NUP188: variants seen among roughly 807,000 people sequenced by gnomAD.
The protein encoded by NUP188 is nucleoporin 188.
Under a neutral mutation model 223.0 loss-of-function variants are expected in NUP188, and 97 were observed. That is an observed-to-expected ratio of 0.43 (90% CI 0.37 to 0.51). NUP188 has a LOEUF of 0.51. Among genes scored for constraint, NUP188 ranks in the 20% least tolerant of loss-of-function variants. NUP188 has a pLI of 0.00. For synonymous variants in NUP188, 869 were observed against 828.0 expected (o/e 1.05, Z -0.85); for missense variants, 1,947 against 2,175.6 (o/e 0.89, Z 2.09).
chr9:129,005,531 G>T lies in NUP188; in HGVS notation c.4737+1G>T. On this transcript the variant is annotated splice_donor_variant, in intron 40 of 43. Transcript: ENST00000372577. LOFTEE classifies it high-confidence loss of function. ...TGTCTGCCAGATTCTGCTGGATCAG[G>T]TACTGCCCATCATCTGTTCAGCACC... is the stretch of plus-strand genomic sequence containing the variant. 2.5e-6 allele frequency: 4 copies of T among 1,608,288 alleles called. No individual in the cohort carries two copies. Among genetic ancestry groups the T allele is most frequent in the Non-Finnish European group, 3.4e-6 (4 of 1,179,886 alleles).
At chr9:128,988,852 G>T (rs560734633) in intron 24 of NUP188, among the ~76,000 whole-genome samples, 1 of 148,494 alleles carries the variant, frequency 6.7e-6, no homozygotes, top group African/African-American at 2.5e-5. Flanking sequence ...TCAGCTTCCC[G>T]AGTAGCTGGG....
chr9:128,980,809 G>T (rs1428985055), intron 14 of NUP188, 84 bp downstream of exon 14: 13 of 1,433,092 alleles, frequency 9.1e-6, no homozygotes, highest in Non-Finnish European at 1.2e-5. Context: ...TTTCCACATT[G>T]CAGTTCTACT....
chr9:128,961,551 A>G (rs1841951755), intron 8 of NUP188, among the ~76,000 whole-genome samples: 1 of 151,462 alleles, frequency 6.6e-6, no homozygotes, highest in Non-Finnish European at 1.5e-5. Context: ...AAAGGGAAAG[A>G]CACACTATAT....
Position 129,005,792 on chromosome 9 carries a change from C to T in NUP188, c.4869+16C>T, listed in dbSNP as rs533132500. The T allele has an allele frequency of 6.3e-7, 1 of 1,592,366 alleles. No individual in the cohort carries two copies. Among genetic ancestry groups the T allele is most frequent in the South Asian group, 1.1e-5 (1 of 87,674 alleles). On this transcript the variant is annotated intron_variant, in intron 41 of 43. Transcript: ENST00000372577. ...GCTTGGAGAGGTAAGTTGGTTCTGT[C>T]AGACACTGTCCTCTCCCCCCGGCTC...
intron 34 of NUP188, 72 bp from the exon 35 acceptor site, chr9:129,001,457 C>G: frequency 1.4e-6 from 2 of 1,481,316 alleles, no homozygotes; most frequent in Non-Finnish European, 1.9e-6. Context: ...GCAACCAGGC[C>G]CACCGCTGCC....
Position 128,980,766 on chromosome 9 carries a change from C to G in NUP188, c.1389+41C>G, listed in dbSNP as rs755645561. ...AGATAAGTAAAGAGAATGGGAGATT[C>G]TTTATGGAGACTTTATTAGGAATCT... On this transcript the variant is annotated intron_variant, in intron 14 of 43. Coordinates refer to ENST00000372577, the MANE Select transcript of NUP188 (RefSeq NM_015354.3). The G allele has an allele frequency of 1.4e-5, 22 of 1,599,180 alleles. No individual in the cohort carries two copies. The Admixed American group carries it at 2.2e-4, about 16-fold the overall frequency.
At position 128,962,893 on chromosome 9, in the gene NUP188, C is replaced by A. The variant is rs553214787; in HGVS notation, c.585+3759C>A. ...TTAAATTGTGATAAAATAGACATAG[C>A]ATAAAATTTACCATTTTAACTATTT... On this transcript the variant is annotated intron_variant, in intron 8 of 43. Coordinates refer to ENST00000372577, the MANE Select transcript of NUP188 (RefSeq NM_015354.3). Among the ~76,000 whole-genome samples the A allele has an allele frequency of 2.6e-4, 39 of 152,272 alleles. No homozygotes were observed. The South Asian group carries it at 7.9e-3, about 31-fold the overall frequency.
chr9:128,954,209 A>G (rs1258651330), intron 3 of NUP188, among the ~76,000 whole-genome samples: 1 of 151,524 alleles, frequency 6.6e-6, no homozygotes, highest in Non-Finnish European at 1.5e-5. Flanking sequence ...CTTAGCTGTG[A>G]CAATGTCTTA....
intron 2 of NUP188, among the ~76,000 whole-genome samples, chr9:128,950,809 C>G (rs1297246191): frequency 6.6e-6 from 1 of 152,132 alleles, no homozygotes; most frequent in Non-Finnish European, 1.5e-5. Flanking sequence ...CTGGGAGACA[C>G]ATCGAGACCC....
rs1398577127 is a variant in NUP188 at position 128,990,102 on chromosome 9, T to C, written c.2534-18T>C. ...TTAGGCACACTTGATATCTAAACTG[T>C]TTCCTGTGCTGCTTTAGGTGCTCAT... On this transcript the variant is annotated intron_variant, in intron 24 of 43. Coordinates refer to ENST00000372577, the MANE Select transcript of NUP188 (RefSeq NM_015354.3). 3.2e-6 allele frequency: 5 copies of C among 1,579,386 alleles called. No individual in the cohort carries two copies. The African/African-American group carries it at 5.4e-5, about 17-fold the overall frequency.
At chr9:128,992,856 G>A (rs1164669666) in intron 25 of NUP188, among the ~76,000 whole-genome samples, 1 of 152,184 alleles carries the variant, frequency 6.6e-6, no homozygotes, top group Non-Finnish European at 1.5e-5. Context: ...CATTGTAACA[G>A]TTTATACTTA....
At chr9:128,988,251 A>G (rs1245118167) in intron 24 of NUP188, 65 bp downstream of exon 24, 1 of 1,571,498 alleles carries the variant, frequency 6.4e-7, no homozygotes, top group Non-Finnish European at 8.7e-7. Flanking sequence ...TTGCTCATAA[A>G]TACGTATCTT....
Position 129,005,500 on chromosome 9 carries a change from C to G in NUP188, c.4707C>G (p.Thr1569=), listed in dbSNP as rs746272320. The G allele has an allele frequency of 5.0e-6, 8 of 1,606,362 alleles. No individual in the cohort carries two copies. Among genetic ancestry groups the G allele is most frequent in the Non-Finnish European group, 8.5e-7 (1 of 1,179,974 alleles). The change falls in exon 40 of 44, where the codon ACC becomes ACG. Residue 1569 remains threonine, a synonymous_variant. Coordinates refer to ENST00000372577, the MANE Select transcript of NUP188 (RefSeq NM_015354.3). The part of the protein sequence containing the change: ...SKTLAALRHF[T]PDVCQILLDQ... ...CGCTGGCAGCCCTGCGCCACTTCAC[C>G]CCAGATGTCTGCCAGATTCTGCTGG...
At chr9:128,992,585 C>A (rs1215858515) in intron 25 of NUP188, among the ~76,000 whole-genome samples, 1 of 152,134 alleles carries the variant, frequency 6.6e-6, no homozygotes, top group African/African-American at 2.4e-5. Flanking sequence ...ATTTGGACTT[C>A]CTTCATTCTT....
In NUP188 at chr9:128,980,238, G is replaced by A. The variant is rs184078422; in HGVS notation, c.1270-368G>A. Among the ~76,000 whole-genome samples the A allele has an allele frequency of 3.9e-5, 6 of 152,240 alleles. No homozygotes were observed. In the East Asian group the frequency reaches 5.8e-4, roughly 15 times the overall value. ...GTGCTCCTGGGAGAAGGAGAAGCTG[G>A]TATGAAACAGTATCTAGAGTGAGGA... On this transcript the variant is annotated intron_variant, in intron 13 of 43. Coordinates refer to ENST00000372577, the MANE Select transcript of NUP188 (RefSeq NM_015354.3).
intron 34 of NUP188, among the ~76,000 whole-genome samples, chr9:129,000,737 C>T (rs963397083): frequency 5.9e-5 from 9 of 151,898 alleles, no homozygotes; most frequent in African/African-American, 1.9e-4. Flanking sequence ...CATGAGGATA[C>T]AGTCTAAAAA....
chr9:128,970,353 C>A (rs1842088393), intron 10 of NUP188, among the ~76,000 whole-genome samples: 1 of 151,910 alleles, frequency 6.6e-6, no homozygotes, highest in Admixed American at 6.6e-5. Flanking sequence ...ACAAAAGAGG[C>A]CCAAGGAGAA....
intron 12 of NUP188, among the ~76,000 whole-genome samples, chr9:128,978,579 A>G (rs996152805): frequency 9.4e-5 from 14 of 149,054 alleles, no homozygotes; most frequent in Admixed American, 4.0e-4. Context: ...AAAAAAAAAA[A>G]GGTAAAAAGG....
chr9:128,986,570 AG>A lies in NUP188; in HGVS notation c.2090del (p.Ser697IlefsTer11). ...TGGTTTCTTGTAGGGGCAACTTGGT[AG>A]TACCCAGAGCCAAGGACTTGTACCC... is the stretch of plus-strand genomic sequence containing the variant. ...ITTLVKGQLGSTQSQGLVPCV... is the reference protein window; with the variant it reads ...ITTLVKGQLGXTQSQGLVPCV... On this transcript the variant is annotated frameshift_variant, in exon 21 of 44. Coordinates refer to ENST00000372577, the MANE Select transcript of NUP188 (RefSeq NM_015354.3). LOFTEE classifies it high-confidence loss of function. The A allele has an allele frequency of 6.2e-7, 1 of 1,613,770 alleles. No homozygotes were observed. Among genetic ancestry groups the A allele is most frequent in the Non-Finnish European group, 8.5e-7 (1 of 1,179,902 alleles).
Sources: gnomAD v4.1 joint callset for allele counts (sites outside exome capture counted in the v4.1 genomes callset) on GRCh38, gnomAD v4.1.1 for gene constraint, MANE v1.5 for transcripts, NCBI Gene and HGNC (gene_info 2026-07-23, HGNC 2026-07-21) for gene names.